KIAA1549L: variants seen among roughly 807,000 people sequenced by gnomAD.
KIAA1549L encodes the protein KIAA1549 like, also known as UPF0606 protein KIAA1549L.
A neutral mutation model predicts 160.7 loss-of-function variants in KIAA1549L; 88 were observed. The ratio of observed to expected loss-of-function variants is 0.55; its 90% CI spans 0.46 to 0.65. The LOEUF is 0.65. Ranked by LOEUF, KIAA1549L falls within the 30% of genes least tolerant of loss-of-function variation. The pLI is 0.00. For synonymous variants in KIAA1549L, 950 were observed against 976.7 expected (o/e 0.97, Z 0.51); for missense variants, 2,258 against 2,437.5 (o/e 0.93, Z 1.55).
intron 4 of KIAA1549L, among the ~76,000 whole-genome samples, chr11:33,549,935 G>T (rs377442738): frequency 6.6e-6 from 1 of 151,704 alleles, no homozygotes; most frequent in East Asian, 1.9e-4. Context: ...AGCCCAGGAG[G>T]TCAAGGCTGC....
intron 3 of KIAA1549L, among the ~76,000 whole-genome samples, chr11:33,547,480 G>A (rs1478561240): frequency 3.9e-5 from 6 of 152,130 alleles, no homozygotes; most frequent in African/African-American, 4.8e-5. Flanking sequence ...ATGCACTGTC[G>A]AGCCGGCTTT....
intron 1 of KIAA1549L, among the ~76,000 whole-genome samples, chr11:33,495,687 C>T (rs1366667600): frequency 6.6e-6 from 1 of 152,054 alleles, no homozygotes; most frequent in Non-Finnish European, 1.5e-5. Flanking sequence ...TTCTAGATCC[C>T]TGAGGAATCG....
intron 16 of KIAA1549L, among the ~76,000 whole-genome samples, chr11:33,643,790 T>C (rs939709076): frequency 2.0e-5 from 3 of 152,240 alleles, no homozygotes; most frequent in African/African-American, 7.2e-5. Context: ...CCCTTCAGGC[T>C]CTGAAATTCA....
intron 16 of KIAA1549L, among the ~76,000 whole-genome samples, chr11:33,636,002 A>G (rs1590423326): frequency 6.6e-6 from 1 of 152,206 alleles, no homozygotes; most frequent in South Asian, 2.1e-4. Flanking sequence ...TGAGTAGTGT[A>G]ATGAAGTCTG....
intron 1 of KIAA1549L, among the ~76,000 whole-genome samples, chr11:33,443,622 C>T (rs1162597779): frequency 6.6e-6 from 1 of 152,010 alleles, no homozygotes; most frequent in Non-Finnish European, 1.5e-5. Context: ...TAGATTTTAA[C>T]TCACTAATAG....
intron 1 of KIAA1549L, among the ~76,000 whole-genome samples, chr11:33,466,185 A>G (rs867064618): frequency 4.9e-4 from 74 of 152,338 alleles, no homozygotes; most frequent in Admixed American, 1.4e-3. Flanking sequence ...TGAACAGGCA[A>G]CCTACAGAAT....
At chr11:33,567,990 C>T in intron 8 of KIAA1549L, 86 bp from the exon 9 acceptor site, 2 of 1,370,700 alleles carry the variant, frequency 1.5e-6, no homozygotes, top group African/African-American at 1.5e-5. Context: ...CCCTTGGTGG[C>T]CTGTGCAGGG....
At chr11:33,398,984 G>A (rs1338476439) in intron 1 of KIAA1549L, among the ~76,000 whole-genome samples, 1 of 141,790 alleles carries the variant, frequency 7.1e-6, no homozygotes, top group African/African-American at 2.6e-5. Flanking sequence ...ATGGAGTCTT[G>A]CTCTGTCACC....
At chr11:33,637,012 G>A (rs1234093008) in intron 16 of KIAA1549L, among the ~76,000 whole-genome samples, 2 of 152,128 alleles carry the variant, frequency 1.3e-5, no homozygotes, top group African/African-American at 4.8e-5. Context: ...TCTCCAGGGA[G>A]GTGACTTTTG....
chr11:33,610,044 G>T (rs1203973493), intron 15 of KIAA1549L, 78 bp downstream of exon 15: 2 of 1,060,068 alleles, frequency 1.9e-6, no homozygotes, highest in African/African-American at 1.6e-5. Flanking sequence ...GTATATCCTG[G>T]TTCCTTATCT....
chr11:33,641,058 G>A (rs919799937), intron 16 of KIAA1549L, among the ~76,000 whole-genome samples: 2 of 152,298 alleles, frequency 1.3e-5, no homozygotes, highest in South Asian at 2.1e-4. Context: ...TGAGGGAGAA[G>A]GGTTTAGGGC....
chr11:33,614,036 C>T (rs967780141), intron 15 of KIAA1549L, among the ~76,000 whole-genome samples: 2 of 152,132 alleles, frequency 1.3e-5, no homozygotes, highest in African/African-American at 4.8e-5. Flanking sequence ...AAGGCTTTTT[C>T]TCGGCAGCCA....
At position 33,462,567 on chromosome 11, in the gene KIAA1549L, G is replaced by T. The variant is rs528316451; in HGVS notation, c.239-79235G>T. Among the ~76,000 whole-genome samples, 44 of 152,108 alleles carry T rather than the reference G, an allele frequency of 2.9e-4. 1 individual carries two copies. The highest frequency in any genetic ancestry group is 6.0e-4 in the Non-Finnish European group (41 of 68,024). The stretch of plus-strand genomic sequence containing the variant: ...ATCTATGTCCATCTTTACTGTCACT[G>T]CCGGGAAGCTTGGCCCTAGGGAAAC... On this transcript the variant is annotated intron_variant, in intron 1 of 20. Coordinates refer to ENST00000658780, the MANE Select transcript of KIAA1549L (RefSeq NM_012194.3).
At chr11:33,523,485 G>T (rs1469086487) in intron 1 of KIAA1549L, among the ~76,000 whole-genome samples, 1 of 152,134 alleles carries the variant, frequency 6.6e-6, no homozygotes, top group Non-Finnish European at 1.5e-5. Context: ...AGAATGTCAG[G>T]TTATCTGAAT....
At position 33,435,800 on chromosome 11, in the gene KIAA1549L, ATATATATATATGTGTG is replaced by A. The variant is rs1470491163; in HGVS notation, c.238+58913_238+58928del. ...TATATATATATATATATATATATAT[ATATATATATATGTGTG>A]TGTATATATATATATGTATATGTAT... is the stretch of plus-strand genomic sequence containing the variant. On this transcript the variant is annotated intron_variant, in intron 1 of 20. Coordinates refer to ENST00000658780, the MANE Select transcript of KIAA1549L (RefSeq NM_012194.3). Among the ~76,000 whole-genome samples the A allele has an allele frequency of 1.9e-3, 25 of 12,880 alleles. 3 individuals are homozygous for A. Among genetic ancestry groups the A allele is most frequent in the East Asian group, 0.01 (3 of 300 alleles). 8.4% of individuals were successfully genotyped at this position (12,880 alleles called of 152,430 possible).
At chr11:33,538,667 C>T (rs1231615276) in intron 1 of KIAA1549L, among the ~76,000 whole-genome samples, 1 of 152,072 alleles carries the variant, frequency 6.6e-6, no homozygotes, top group East Asian at 1.9e-4. Context: ...GGACAGGGCT[C>T]TAAAAATATT....
intron 16 of KIAA1549L, 33 bp from the exon 17 acceptor site, chr11:33,645,652 TA>T: frequency 6.6e-7 from 1 of 1,506,694 alleles, no homozygotes; most frequent in Non-Finnish European, 9.2e-7. Flanking sequence ...GGAAGGAAAG[TA>T]AACACATCAA....
chr11:33,628,156 G>A (rs1851172575), intron 16 of KIAA1549L, among the ~76,000 whole-genome samples: 1 of 151,872 alleles, frequency 6.6e-6, no homozygotes, highest in East Asian at 1.9e-4. Context: ...GAGATAGTTT[G>A]TTATAATTTC....
intron 16 of KIAA1549L, among the ~76,000 whole-genome samples, chr11:33,629,702 A>G (rs1454697669): frequency 1.3e-5 from 2 of 150,980 alleles, no homozygotes; most frequent in African/African-American, 4.9e-5. Context: ...AATTTTTTTC[A>G]AAGTTTTCAA....
Sources: gnomAD v4.1 joint callset for allele counts (sites outside exome capture counted in the v4.1 genomes callset) on GRCh38, gnomAD v4.1.1 for gene constraint, MANE v1.5 for transcripts, NCBI Gene and HGNC (gene_info 2026-07-23, HGNC 2026-07-21) for gene names.